ROBO2: variants seen among roughly 807,000 people sequenced by gnomAD.
The protein encoded by ROBO2 is roundabout homolog 2.
A neutral mutation model predicts 160.8 loss-of-function variants in ROBO2; 53 were observed. That is an observed-to-expected ratio of 0.33 (90% CI 0.26 to 0.41). The LOEUF (loss-of-function observed/expected upper bound fraction) is 0.41. ROBO2 is among the 10% of genes least tolerant of loss of function. The pLI is 1.00. For synonymous variants in ROBO2, 664 were observed against 611.7 expected (o/e 1.09, Z -1.26); for missense variants, 1,577 against 1,722.4 (o/e 0.92, Z 1.49).
chr3:77,614,749 C>A (rs113504692), intron 21 of ROBO2, among the ~76,000 whole-genome samples: 7,961 of 137,526 alleles, frequency 0.058, 267 homozygotes, highest in East Asian at 0.15. Flanking sequence ...AACCAACCAA[C>A]CAACCAAACA....
At chr3:76,219,143 A>T (rs1479977504) in intron 2 of ROBO2, among the ~76,000 whole-genome samples, 2 of 152,166 alleles carry the variant, frequency 1.3e-5, no homozygotes, top group East Asian at 3.9e-4. Flanking sequence ...CCTTCCTTAC[A>T]CCTTATACAA....
At chr3:77,427,234 C>T (rs2078298655) in intron 2 of ROBO2, among the ~76,000 whole-genome samples, 1 of 152,184 alleles carries the variant, frequency 6.6e-6, no homozygotes. Flanking sequence ...CTTATGGAAG[C>T]ATTGTCAGAC....
chr3:77,251,643 G>C (rs1023730062), intron 2 of ROBO2, among the ~76,000 whole-genome samples: 3 of 152,102 alleles, frequency 2.0e-5, no homozygotes, highest in Non-Finnish European at 4.4e-5. Flanking sequence ...ACCTTGAATT[G>C]TAGCTCCCAT....
intron 2 of ROBO2, among the ~76,000 whole-genome samples, chr3:77,338,072 G>A (rs552641892): frequency 6.6e-6 from 1 of 152,094 alleles, no homozygotes; most frequent in East Asian, 1.9e-4. Flanking sequence ...CAAAGAAAAT[G>A]TGGTTATTTC....
At chr3:76,958,428 A>G (rs1203940946) in intron 2 of ROBO2, among the ~76,000 whole-genome samples, 1 of 152,228 alleles carries the variant, frequency 6.6e-6, no homozygotes, top group Non-Finnish European at 1.5e-5. Flanking sequence ...ATCAAATTGC[A>G]CTGAATGTAC....
intron 2 of ROBO2, among the ~76,000 whole-genome samples, chr3:77,402,461 A>G (rs2075890216): frequency 6.6e-6 from 1 of 152,112 alleles, no homozygotes; most frequent in African/African-American, 2.4e-5. Context: ...AAATAAAATA[A>G]TAATTGGTTG....
chr3:76,398,987 CAAAT>C (rs1369036993), intron 2 of ROBO2, among the ~76,000 whole-genome samples: 1 of 151,710 alleles, frequency 6.6e-6, no homozygotes, highest in Non-Finnish European at 1.5e-5. Context: ...AAATTACACA[CAAAT>C]AATACTTGAC....
At chr3:77,545,908 T>C (rs989140815) in intron 6 of ROBO2, among the ~76,000 whole-genome samples, 1 of 152,086 alleles carries the variant, frequency 6.6e-6, no homozygotes, top group Admixed American at 6.6e-5. Flanking sequence ...ATATAATTCT[T>C]GCAGTAACTA....
intron 2 of ROBO2, among the ~76,000 whole-genome samples, chr3:77,113,004 A>G (rs910970231): frequency 3.9e-5 from 6 of 152,234 alleles, no homozygotes; most frequent in African/African-American, 1.4e-4. Context: ...ACTTTCCTAT[A>G]CACAAGGAAT....
At chr3:77,458,077 G>A (rs905669972) in intron 2 of ROBO2, among the ~76,000 whole-genome samples, 6 of 151,966 alleles carry the variant, frequency 3.9e-5, no homozygotes, top group East Asian at 3.9e-4. Flanking sequence ...CCTCATCGCC[G>A]CCTTAGATAA....
chr3:76,850,560 C>T, intron 2 of ROBO2, among the ~76,000 whole-genome samples: 1 of 152,118 alleles, frequency 6.6e-6, no homozygotes, highest in East Asian at 1.9e-4. Context: ...TAAGTATTTT[C>T]CTCATGGGAA....
At chr3:77,534,072 G>A in intron 6 of ROBO2, among the ~76,000 whole-genome samples, 1 of 152,108 alleles carries the variant, frequency 6.6e-6, no homozygotes, top group East Asian at 1.9e-4. Flanking sequence ...TATTGATAAA[G>A]GATTAAGGCT....
chr3:76,207,274 C>T (rs186460552), intron 2 of ROBO2, among the ~76,000 whole-genome samples: 25 of 151,958 alleles, frequency 1.6e-4, no homozygotes, highest in Non-Finnish European at 2.6e-4. Flanking sequence ...GCAGTTTAAC[C>T]GATATGTTTA....
intron 2 of ROBO2, among the ~76,000 whole-genome samples, chr3:77,355,923 CCAAAA>C (rs761795939): frequency 8.6e-5 from 11 of 127,818 alleles, no homozygotes; most frequent in African/African-American, 3.0e-4. Context: ...GACAGATAAT[CCAAAA>C]AAAAAAAAAT....
chr3:77,459,718 G>A (rs2082039885), intron 2 of ROBO2, among the ~76,000 whole-genome samples: 1 of 152,120 alleles, frequency 6.6e-6, no homozygotes, highest in Non-Finnish European at 1.5e-5. Context: ...AACAGGAGAG[G>A]TGTAGGAAGT....
At chr3:77,297,756 G>A (rs2062276782) in intron 2 of ROBO2, among the ~76,000 whole-genome samples, 1 of 152,128 alleles carries the variant, frequency 6.6e-6, no homozygotes, top group Non-Finnish European at 1.5e-5. Context: ...ACACTCAGAG[G>A]TTTTACATTT....
intron 2 of ROBO2, among the ~76,000 whole-genome samples, chr3:76,580,365 T>G (rs2085621435): frequency 6.9e-6 from 1 of 144,606 alleles, no homozygotes; most frequent in African/African-American, 2.6e-5. Context: ...TTTTTTTTTT[T>G]GGTTTTTTTC....
chr3:76,139,662 T>A (rs2071557560), intron 2 of ROBO2, among the ~76,000 whole-genome samples: 1 of 152,052 alleles, frequency 6.6e-6, no homozygotes, highest in African/African-American at 2.4e-5. Context: ...ATCAAGCTCC[T>A]GTGAAGTAAA....
chr3:76,967,815 G>C (rs539116797), intron 2 of ROBO2, among the ~76,000 whole-genome samples: 36 of 152,220 alleles, frequency 2.4e-4, no homozygotes, highest in South Asian at 6.2e-4. Context: ...AAAGTGTTAG[G>C]TTTATAGGCC....
Sources: allele counts gnomAD v4.1 joint callset (sites outside exome capture counted in the v4.1 genomes callset), GRCh38; gene constraint gnomAD v4.1.1; transcripts MANE v1.5; gene names NCBI Gene and HGNC (gene_info 2026-07-23, HGNC 2026-07-21).